Variants in CNTN4 observed in about 807,000 individuals in gnomAD.
The protein encoded by CNTN4 is contactin-4.
A neutral mutation model predicts 122.5 loss-of-function variants in CNTN4; 77 were observed. The ratio of observed to expected loss-of-function variants is 0.63; its 90% CI spans 0.52 to 0.76. The LOEUF (loss-of-function observed/expected upper bound fraction) is 0.76. Among genes scored for constraint, CNTN4 ranks in the 30% least tolerant of loss-of-function variants. CNTN4 has a pLI of 0.00. For missense variants in CNTN4, 1,256 were observed against 1,259.1 expected (o/e 1.00, Z 0.04); for synonymous variants, 512 against 447.0 (o/e 1.15, Z -1.83).
intron 6 of CNTN4, among the ~76,000 whole-genome samples, chr3:2,747,507 A>G (rs1318116640): frequency 6.6e-6 from 1 of 151,928 alleles, no homozygotes; most frequent in Non-Finnish European, 1.5e-5. Context: ...AGCTCTTAAG[A>G]TTATCCTTTT....
At chr3:3,016,927 G>T (rs752475855) in intron 14 of CNTN4, among the ~76,000 whole-genome samples, 24 of 152,086 alleles carry the variant, frequency 1.6e-4, no homozygotes, top group Admixed American at 1.4e-3. Context: ...CGCCGACTGG[G>T]GTCAAAATTT....
At chr3:2,440,577 A>G (rs968944833) in intron 3 of CNTN4, among the ~76,000 whole-genome samples, 1 of 152,088 alleles carries the variant, frequency 6.6e-6, no homozygotes, top group East Asian at 1.9e-4. Flanking sequence ...ATTTGAGAAT[A>G]GAGACATGTG....
chr3:2,519,865 T>G (rs1444483332), intron 3 of CNTN4, among the ~76,000 whole-genome samples: 1 of 152,098 alleles, frequency 6.6e-6, no homozygotes, highest in African/African-American at 2.4e-5. Flanking sequence ...GCGGGAAAAA[T>G]ATGCGGATTC....
chr3:3,053,279 C>T (rs1185954729), intron 23 of CNTN4, among the ~76,000 whole-genome samples: 3 of 152,218 alleles, frequency 2.0e-5, no homozygotes, highest in Non-Finnish European at 2.9e-5. Context: ...AAGTGAGTCA[C>T]CCACCTTGGC....
At chr3:2,627,774 T>G (rs564539115) in intron 4 of CNTN4, among the ~76,000 whole-genome samples, 58 of 152,332 alleles carry the variant, frequency 3.8e-4, no homozygotes, top group Admixed American at 1.3e-3. Flanking sequence ...ATTACAGGCG[T>G]GAGCCACCGT....
chr3:2,968,038 T>G (rs1346939073), intron 13 of CNTN4, among the ~76,000 whole-genome samples: 1 of 152,140 alleles, frequency 6.6e-6, no homozygotes, highest in Non-Finnish European at 1.5e-5. Context: ...GCCCTTGCCT[T>G]CAGGCTTCTG....
At chr3:2,924,051 C>G (rs1415774440) in intron 12 of CNTN4, among the ~76,000 whole-genome samples, 1 of 152,020 alleles carries the variant, frequency 6.6e-6, no homozygotes, top group East Asian at 1.9e-4. Flanking sequence ...CTGAGGTAAA[C>G]AGATTGAGAT....
intron 4 of CNTN4, among the ~76,000 whole-genome samples, chr3:2,727,972 C>G (rs573052002): frequency 6.6e-6 from 1 of 152,336 alleles, no homozygotes; most frequent in East Asian, 1.9e-4. Flanking sequence ...TGCCTCTGCT[C>G]TATTCAGCTG....
intron 2 of CNTN4, among the ~76,000 whole-genome samples, chr3:2,231,803 CTCT>C (rs549297296): frequency 1.3e-5 from 2 of 152,044 alleles, no homozygotes; most frequent in Non-Finnish European, 2.9e-5. Context: ...ATTTGAAGTA[CTCT>C]TCAATTTATT....
At chr3:2,746,949 C>A (rs1303825737) in intron 6 of CNTN4, among the ~76,000 whole-genome samples, 2 of 152,056 alleles carry the variant, frequency 1.3e-5, no homozygotes, top group Non-Finnish European at 2.9e-5. Flanking sequence ...TTAGTAATGA[C>A]AAATCTTGCT....
chr3:2,452,863 C>G (rs907835048), intron 3 of CNTN4, among the ~76,000 whole-genome samples: 1 of 152,002 alleles, frequency 6.6e-6, no homozygotes, highest in Non-Finnish European at 1.5e-5. Flanking sequence ...AGAGTCATGA[C>G]CCCAGAGAAG....
chr3:2,829,489 A>C (rs2093056447), intron 7 of CNTN4, among the ~76,000 whole-genome samples: 1 of 152,198 alleles, frequency 6.6e-6, no homozygotes, highest in Admixed American at 6.5e-5. Flanking sequence ...AAAGGGAGGA[A>C]TTGGGGCCTG....
At chr3:2,381,984 CA>C (rs1040779450) in intron 3 of CNTN4, among the ~76,000 whole-genome samples, 45 of 152,152 alleles carry the variant, frequency 3.0e-4, no homozygotes, top group African/African-American at 1.1e-3. Context: ...AATCTTGAGA[CA>C]AAGGCACAAA....
chr3:3,035,736 T>C (rs1327787477), intron 17 of CNTN4, among the ~76,000 whole-genome samples: 1 of 152,140 alleles, frequency 6.6e-6, no homozygotes, highest in Non-Finnish European at 1.5e-5. Flanking sequence ...CTCTAAAATT[T>C]TTTGTAGAGA....
At chr3:2,456,965 A>G (rs574371848) in intron 3 of CNTN4, among the ~76,000 whole-genome samples, 2 of 152,262 alleles carry the variant, frequency 1.3e-5, no homozygotes, top group East Asian at 3.9e-4. Flanking sequence ...GAACCCTATG[A>G]GGTGAATACT....
rs150357783 is a variant in CNTN4 at position 2,199,503 on chromosome 3, C to T, written c.-145+98864C>T. Among the ~76,000 whole-genome samples, 1,249 of 152,176 alleles carry T rather than the reference C, an allele frequency of 8.2e-3. 13 individuals carry two copies. The highest frequency in any genetic ancestry group is 0.027 in the African/African-American group (1,111 of 41,526). On this transcript the variant is annotated intron_variant, in intron 2 of 24. Transcript: ENST00000418658. ...TTTAGCAGTATAATAGAATGAAACA[C>T]CTGGATTCTGCTTCTGACTCCATGA...
At chr3:2,855,644 CTG>C (rs2093610308) in intron 7 of CNTN4, among the ~76,000 whole-genome samples, 1 of 152,294 alleles carries the variant, frequency 6.6e-6, no homozygotes, top group South Asian at 2.1e-4. Context: ...CTTTGAGTAA[CTG>C]TGATCTGACC....
At chr3:2,729,361 G>C (rs957124459) in intron 4 of CNTN4, among the ~76,000 whole-genome samples, 4 of 150,330 alleles carry the variant, frequency 2.7e-5, no homozygotes, top group East Asian at 3.9e-4. Flanking sequence ...TCAGGAGATT[G>C]AGACCATCCC....
chr3:2,426,939 C>T (rs937944597), intron 3 of CNTN4, among the ~76,000 whole-genome samples: 9 of 151,918 alleles, frequency 5.9e-5, no homozygotes, highest in East Asian at 1.9e-4. Flanking sequence ...TTTTTTATTA[C>T]GTCTATTTGA....
Sources: allele counts gnomAD v4.1 joint callset (sites outside exome capture counted in the v4.1 genomes callset), GRCh38; gene constraint gnomAD v4.1.1; transcripts MANE v1.5; gene names NCBI Gene and HGNC (gene_info 2026-07-23, HGNC 2026-07-21).